The following TTN variants were observed in gnomAD, a reference collection of about 807,000 sequenced individuals.
The protein encoded by TTN is titin.
Under a neutral mutation model 3,223.0 loss-of-function variants are expected in TTN, and 1,525 were observed. The observed-to-expected ratio is 0.47, with a 90% CI of 0.45 to 0.49. TTN has a LOEUF of 0.49. Among genes scored for constraint, TTN ranks in the 20% least tolerant of loss-of-function variants. The pLI is 0.00. For synonymous variants in TTN, 14,094 were observed against 15,161.0 expected (o/e 0.93, Z 5.17); for missense variants, 40,786 against 43,424.0 (o/e 0.94, Z 5.40).
chr2:178,802,215 G>GGGACGATCCCCC lies in TTN; in HGVS notation c.217_218insGGGGGATCGTCC (p.Ala73delinsGlyGlyIleValPro), dbSNP rs1250285598. ...TTTCAGGGAATATCGTCCACTGTTG[G>GGGACGATCCCCC]CTTTAGTCACGGCGGGGATCGTCAG... is the stretch of plus-strand genomic sequence containing the variant. On this transcript the variant is annotated protein_altering_variant, in exon 3 of 363. Transcript: ENST00000589042. The GGGACGATCCCCC allele has an allele frequency of 1.1e-5, 17 of 1,614,140 alleles. No homozygotes were observed. Among genetic ancestry groups the GGGACGATCCCCC allele is most frequent in the Non-Finnish European group, 1.4e-5 (16 of 1,180,024 alleles).
At chr2:178,738,719 AAAC>A (rs1445411151) in intron 48 of TTN, among the ~76,000 whole-genome samples, 1 of 151,742 alleles carries the variant, frequency 6.6e-6, no homozygotes, top group Non-Finnish European at 1.5e-5. Context: ...TGATGAAGTG[AAAC>A]AACAACAAAA....
chr2:178,708,384 T>C (rs1174093165), intron 99 of TTN, among the ~76,000 whole-genome samples: 1 of 152,172 alleles, frequency 6.6e-6, no homozygotes, highest in African/African-American at 2.4e-5. Context: ...GGCTCAGTGT[T>C]TAACTGAAGA....
chr2:178,792,744 C>T (rs1474120121), intron 9 of TTN, among the ~76,000 whole-genome samples: 2 of 152,214 alleles, frequency 1.3e-5, no homozygotes, highest in Non-Finnish European at 2.9e-5. Flanking sequence ...CTATTTGCCT[C>T]TTTGCCATTC....
At position 178,784,388 on chromosome 2, in the gene TTN, A is replaced by G. The variant is rs773252555; in HGVS notation, c.2494-37T>C. The G allele has an allele frequency of 2.0e-5, 33 of 1,610,216 alleles. 1 individual carries two copies. In the South Asian group the frequency reaches 3.2e-4, roughly 16 times the overall value. On this transcript the variant is annotated intron_variant, in intron 15 of 362. Coordinates refer to ENST00000589042, the MANE Select transcript of TTN (RefSeq NM_001267550.2). ...CAGAGTCAGAAAATAAAGTCATTTA[A>G]CCATCCTCCGATGGCTAGCCCTCTT...
At position 178,738,272 on chromosome 2, in the gene TTN, G is replaced by A. The variant is rs771138425; in HGVS notation, c.14181C>T (p.Pro4727=). 1.9e-6 allele frequency: 3 copies of A among 1,613,450 alleles called. No individual in the cohort carries two copies. Among genetic ancestry groups the A allele is most frequent in the East Asian group, 4.5e-5 (2 of 44,778 alleles). ...CTTTAAACCACTGGAACCGGACATT[G>A]GGAGCACTTTGGATCTCACAGGTGA... ...AKFTCEIQSA[P]NVRFQWFKAG... Residue 4727 remains proline (P), a synonymous_variant, in exon 49 of 363, where the codon CCC becomes CCT. Coordinates refer to ENST00000589042, the MANE Select transcript of TTN (RefSeq NM_001267550.2).
At chr2:178,710,569 G>T in intron 98 of TTN, 66 bp downstream of exon 98, 2 of 1,485,902 alleles carry the variant, frequency 1.3e-6, no homozygotes, top group Non-Finnish European at 9.0e-7. Context: ...TCATAAAAAC[G>T]ACACCTTCAG....
chr2:178,710,605 T>C (rs2154294980), intron 98 of TTN, 30 bp downstream of exon 98: 2 of 1,583,926 alleles, frequency 1.3e-6, no homozygotes, highest in African/African-American at 1.3e-5. Context: ...GATTACACTT[T>C]TGTTGGACCA....
chr2:178,601,882 C>T lies in TTN; in HGVS notation c.55302G>A (p.Gln18434=), dbSNP rs567251026. The change falls in exon 285 of 363, where the codon CAG becomes CAA. Residue 18434 remains glutamine, a splice_region_variant and synonymous_variant. Transcript: ENST00000589042. Reference sequence around the variant, plus strand: ...ATTATTTTAATTATTATTTTTTTACCTGTGCATCTTCGGGTATGTCATGAA... The same window carrying T: ...ATTATTTTAATTATTATTTTTTTACTTGTGCATCTTCGGGTATGTCATGAA... ...DGVHDIPEDA[Q]LETAENSSVI... is the part of the protein sequence containing the mutation. The T allele has an allele frequency of 7.5e-6, 12 of 1,609,868 alleles. No individual in the cohort carries two copies. The highest frequency in any genetic ancestry group is 1.0e-5 in the Non-Finnish European group (12 of 1,178,492).
At position 178,688,097 on chromosome 2, in the gene TTN, T is replaced by C; in HGVS notation, c.32311+14A>G. 6.2e-7 allele frequency: 1 copy of C among 1,605,758 alleles called. No individual in the cohort carries two copies. Among genetic ancestry groups the C allele is most frequent in the South Asian group, 1.1e-5 (1 of 90,868 alleles). ...AAAACCCCAGATCATCTCTAGCTTA[T>C]TTGCATTGTTTACCTTCATATTCTG... On this transcript the variant is annotated intron_variant, in intron 127 of 362. Coordinates refer to ENST00000589042, the MANE Select transcript of TTN (RefSeq NM_001267550.2).
intron 62 of TTN, 52 bp from the exon 63 acceptor site, chr2:178,729,997 T>G: frequency 1.9e-6 from 3 of 1,597,404 alleles, no homozygotes; most frequent in Non-Finnish European, 2.6e-6. Flanking sequence ...AACAGGTCAC[T>G]GGGCAAAACT....
Position 178,539,086 on chromosome 2 carries a change from G to A in TTN, c.98849C>T (p.Thr32950Ile). Reference protein sequence around the residue: ...STDKWVRHNKTQITTTMYTVT... With the variant: ...STDKWVRHNKIQITTTMYTVT... ...AGTGTACATTGTGGTGGTGATCTGA[G>A]TCTTGTTGTGTCTGACCCACTTGTC... Residue 32950 changes from threonine (T) to isoleucine (I), a missense_variant, in exon 353 of 363, where the codon ACT becomes ATT. By Grantham distance (89) the Thr-to-Ile change is moderately conservative (BLOSUM62 -1). Coordinates refer to ENST00000589042, the MANE Select transcript of TTN (RefSeq NM_001267550.2). 6.2e-7 allele frequency: 1 copy of A among 1,613,786 alleles called. No homozygotes were observed. Among genetic ancestry groups the A allele is most frequent in the South Asian group, 1.1e-5 (1 of 91,080 alleles).
intron 302 of TTN, 21 bp from the exon 303 acceptor site, chr2:178,591,913 G>A: frequency 1.9e-6 from 3 of 1,604,934 alleles, no homozygotes; most frequent in Non-Finnish European, 2.5e-6. Context: ...AAGAAGTTAT[G>A]ATGAAAAAGT....
chr2:178,582,558 G>A lies in TTN; in HGVS notation c.65898C>T (p.Asn21966=). 1 of 1,611,554 alleles carries A rather than the reference G, an allele frequency of 6.2e-7. No homozygotes were observed. Among genetic ancestry groups the A allele is most frequent in the Non-Finnish European group, 8.5e-7 (1 of 1,178,474 alleles). ...KPGPPASVKI[N]KMYSDRAMLS... The stretch of plus-strand genomic sequence containing the variant: ...GCATAGCACGATCTGAATACATTTT[G>A]TTGATTTTAACAGATGCTGGAGGAC... Residue 21966 remains asparagine (N), a synonymous_variant, in exon 314 of 363, where the codon AAC becomes AAT. Coordinates refer to ENST00000589042, the MANE Select transcript of TTN (RefSeq NM_001267550.2).
Position 178,682,773 on chromosome 2 carries a change from T to C in TTN, c.33018A>G (p.Thr11006=), listed in dbSNP as rs765492188. ...DYKEFEEYEP[T]EEYDQYEEYE... ...ATTCTTCATATTGGTCATATTCTTC[T>C]GTTGGTTCATACTCCTCAAATTCTT... is the stretch of plus-strand genomic sequence containing the variant. Residue 11006 remains threonine (T), a synonymous_variant, in exon 135 of 363, where the codon ACA becomes ACG. Coordinates refer to ENST00000589042, the MANE Select transcript of TTN (RefSeq NM_001267550.2). 87 of 1,613,000 alleles carry C rather than the reference T, an allele frequency of 5.4e-5. 1 individual carries two copies. The South Asian group carries it at 9.2e-4, about 17-fold the overall frequency.
Position 178,562,777 on chromosome 2 carries a change from C to T in TTN, c.83355G>A (p.Leu27785=), listed in dbSNP as rs1366351874. 1.2e-6 allele frequency: 2 copies of T among 1,613,330 alleles called. No homozygotes were observed. Among genetic ancestry groups the T allele is most frequent in the Non-Finnish European group, 8.5e-7 (1 of 1,179,632 alleles). Reference sequence around the variant, plus strand: ...CATCAATAAGTGGTGGTTCCCAGGACAACGTCACTGAGTCTTTCTTCACTT... The same window carrying T: ...CATCAATAAGTGGTGGTTCCCAGGATAACGTCACTGAGTCTTTCTTCACTT... The part of the protein sequence containing the change: ...IREVKKDSVT[L]SWEPPLIDGG... Residue 27785 remains leucine (L), a synonymous_variant, in exon 326 of 363, where the codon TTG becomes TTA. Transcript: ENST00000589042.
At chr2:178,692,682 G>T in intron 119 of TTN, 102 bp from the exon 120 acceptor site, 2 of 811,496 alleles carry the variant, frequency 2.5e-6, no homozygotes, top group South Asian at 2.4e-5. Flanking sequence ...TATACCAACT[G>T]AATGCAAGAA....
At chr2:178,674,008 A>G (rs1373224872) in intron 151 of TTN, among the ~76,000 whole-genome samples, 1 of 151,768 alleles carries the variant, frequency 6.6e-6, no homozygotes, top group East Asian at 1.9e-4. Context: ...TTCCCCCCAT[A>G]TTAATATTAA....
intron 282 of TTN, 118 bp from the exon 283 acceptor site, chr2:178,602,708 G>T (rs1353691657): frequency 1.2e-6 from 1 of 800,260 alleles, no homozygotes; most frequent in Non-Finnish European, 1.7e-6. Flanking sequence ...AAATAGAAAT[G>T]CTAAAAGGAA....
Position 178,679,695 on chromosome 2 carries a change from T to C in TTN, c.33581-13A>G. 6.3e-7 allele frequency: 1 copy of C among 1,596,690 alleles called. No individual in the cohort carries two copies. The highest frequency in any genetic ancestry group is 8.5e-7 in the Non-Finnish European group (1 of 1,174,166). On this transcript the variant is annotated splice_polypyrimidine_tract_variant and intron_variant, in intron 140 of 362. Transcript: ENST00000589042. Reference sequence around the variant, plus strand: ...GGTACCTCAGGCACTTTAAAGATATTATTAAGAATGTTGGAAATTTTGCAG... The same window carrying C: ...GGTACCTCAGGCACTTTAAAGATATCATTAAGAATGTTGGAAATTTTGCAG...
Sources: allele counts gnomAD v4.1 joint callset (sites outside exome capture counted in the v4.1 genomes callset), GRCh38; gene constraint gnomAD v4.1.1; transcripts MANE v1.5; gene names NCBI Gene and HGNC (gene_info 2026-07-23, HGNC 2026-07-21).